Variants in MYO10 observed in about 807,000 individuals in gnomAD.
MYO10 encodes the protein myosin X.
Under a neutral mutation model 257.3 loss-of-function variants are expected in MYO10, and 133 were observed. That is an observed-to-expected ratio of 0.52 (90% CI 0.45 to 0.60). MYO10 has a LOEUF of 0.60. Ranked by LOEUF, MYO10 falls within the 20% of genes least tolerant of loss-of-function variation. The pLI, the probability that MYO10 is intolerant of heterozygous loss-of-function variation, is 0.00. For missense variants in MYO10, 2,399 were observed against 2,635.7 expected (o/e 0.91, Z 1.97); for synonymous variants, 1,104 against 1,028.6 (o/e 1.07, Z -1.40).
At chr5:16,870,048 A>T (rs1744407633) in intron 2 of MYO10, among the ~76,000 whole-genome samples, 1 of 151,414 alleles carries the variant, frequency 6.6e-6, no homozygotes, top group East Asian at 2.0e-4. Context: ...CTGAGGTTCC[A>T]TTTTAGGATT....
intron 1 of MYO10, among the ~76,000 whole-genome samples, chr5:16,918,673 G>A (rs1282407930): frequency 6.6e-6 from 1 of 151,706 alleles, no homozygotes; most frequent in Non-Finnish European, 1.5e-5. Flanking sequence ...GCTAATTTTT[G>A]TATTTTAAGT....
intron 2 of MYO10, among the ~76,000 whole-genome samples, chr5:16,848,403 G>A (rs939233022): frequency 1.3e-5 from 2 of 151,962 alleles, no homozygotes; most frequent in African/African-American, 2.4e-5. Flanking sequence ...GAGGTGATCC[G>A]CCTGCTTCGG....
At chr5:16,732,724 G>A (rs1467135194) in intron 19 of MYO10, among the ~76,000 whole-genome samples, 1 of 152,162 alleles carries the variant, frequency 6.6e-6, no homozygotes, top group African/African-American at 2.4e-5. Context: ...GATGAGGAGG[G>A]AAATAAGAGG....
chr5:16,700,296 G>A (rs901296701), intron 25 of MYO10, among the ~76,000 whole-genome samples: 25 of 152,176 alleles, frequency 1.6e-4, no homozygotes, highest in African/African-American at 5.8e-4. Context: ...ATTTCCTAAC[G>A]CAGCACGGCA....
chr5:16,761,643 A>C, intron 16 of MYO10, 97 bp from the exon 17 acceptor site: 3 of 907,638 alleles, frequency 3.3e-6, no homozygotes, highest in Non-Finnish European at 5.3e-6. Context: ...AAATCATTCC[A>C]AGAAATTTAT....
Position 16,764,390 on chromosome 5 carries a change from C to T in MYO10, c.1186G>A (p.Asp396Asn), listed in dbSNP as rs1740805517. The T allele has an allele frequency of 6.2e-7, 1 of 1,613,704 alleles. No individual in the cohort carries two copies. The highest frequency in any genetic ancestry group is 8.5e-7 in the Non-Finnish European group (1 of 1,179,842). Reference protein sequence around the residue: ...LTPLNVQQAVDSRDSLAMALY... With the variant: ...LTPLNVQQAVNSRDSLAMALY... ...GCCATGGCCAGGGAGTCCCTGCTGT[C>T]TACTGCCTGTGGGAGAGAAACCAGC... The change falls in exon 12 of 41, where the codon GAC becomes AAC. Residue 396 changes from aspartate to asparagine, a missense_variant. Transcript: ENST00000513610.
Position 16,699,390 on chromosome 5 carries a change from C to G in MYO10, c.3556+60G>C, listed in dbSNP as rs1009311394. The G allele has an allele frequency of 2.5e-6, 4 of 1,574,158 alleles. No homozygotes were observed. In the South Asian group the frequency reaches 4.7e-5, roughly 18 times the overall value. ...TATTTCCCACCGCCATCCATCAGCC[C>G]GGATAAAATAACGCCTCGCTCTCCC... is the stretch of plus-strand genomic sequence containing the variant. On this transcript the variant is annotated intron_variant, in intron 26 of 40. Coordinates refer to ENST00000513610, the MANE Select transcript of MYO10 (RefSeq NM_012334.3).
At chr5:16,750,181 T>C (rs1441811672) in intron 19 of MYO10, among the ~76,000 whole-genome samples, 2 of 152,292 alleles carry the variant, frequency 1.3e-5, no homozygotes, top group South Asian at 4.1e-4. Flanking sequence ...CACTGCAGAC[T>C]GGCGTCTCTC....
At chr5:16,702,511 A>T (rs1229831970) in intron 24 of MYO10, 32 bp downstream of exon 24, 3 of 1,574,092 alleles carry the variant, frequency 1.9e-6, no homozygotes. Flanking sequence ...AAGTAGAAAC[A>T]CAAGAGGCTA....
intron 1 of MYO10, among the ~76,000 whole-genome samples, chr5:16,899,337 A>C (rs1009247156): frequency 3.9e-5 from 6 of 151,990 alleles, no homozygotes; most frequent in African/African-American, 1.5e-4. Flanking sequence ...CTACTTCTGA[A>C]ATAATAAAAG....
intron 21 of MYO10, 185 bp downstream of exon 21, chr5:16,710,723 A>T: frequency 1.7e-6 from 1 of 586,844 alleles, no homozygotes; most frequent in Non-Finnish European, 3.0e-6. Context: ...CAAGTCAAGG[A>T]CTTCACTTCA....
chr5:16,757,301 AAC>A (rs71595978), intron 18 of MYO10, among the ~76,000 whole-genome samples: 3 of 84,348 alleles, frequency 3.6e-5, no homozygotes, highest in Non-Finnish European at 5.0e-5. Context: ...CACACACACA[AAC>A]ACACACACAC....
At chr5:16,856,051 G>A (rs1273027436) in intron 2 of MYO10, among the ~76,000 whole-genome samples, 1 of 152,198 alleles carries the variant, frequency 6.6e-6, no homozygotes, top group Non-Finnish European at 1.5e-5. Context: ...CAGGCCACGA[G>A]CTGAATTTAC....
chr5:16,895,289 G>C, intron 1 of MYO10, among the ~76,000 whole-genome samples: 1 of 152,320 alleles, frequency 6.6e-6, no homozygotes, highest in East Asian at 1.9e-4. Context: ...AGCAGTGGCA[G>C]GGGGGCTGCA....
chr5:16,833,813 A>C (rs138121003), intron 2 of MYO10, among the ~76,000 whole-genome samples: 206 of 152,258 alleles, frequency 1.4e-3, no homozygotes, highest in Non-Finnish European at 2.4e-3. Flanking sequence ...CTTAGTGCAA[A>C]CAGAGTGAGA....
At chr5:16,844,441 A>T (rs778092973) in intron 2 of MYO10, among the ~76,000 whole-genome samples, 7 of 152,138 alleles carry the variant, frequency 4.6e-5, no homozygotes, top group Non-Finnish European at 1.0e-4. Context: ...ACAAAGTGAA[A>T]GGGCAAATAG....
At chr5:16,740,949 G>A (rs1047852493) in intron 19 of MYO10, among the ~76,000 whole-genome samples, 23 of 150,730 alleles carry the variant, frequency 1.5e-4, no homozygotes, top group East Asian at 5.8e-4. Flanking sequence ...TCTTATCTAC[G>A]CGACGAAAGC....
chr5:16,705,451 GA>G (rs1318398042), intron 21 of MYO10, among the ~76,000 whole-genome samples: 1 of 152,180 alleles, frequency 6.6e-6, no homozygotes, highest in East Asian at 1.9e-4. Context: ...CCTAGTTTTT[GA>G]AAAGATATGA....
chr5:16,672,294 C>CAAAAAAAAA (rs10684695), intron 37 of MYO10, among the ~76,000 whole-genome samples: 29 of 122,258 alleles, frequency 2.4e-4, no homozygotes, highest in African/African-American at 7.6e-4. Context: ...GACTCCATCT[C>CAAAAAAAAA]AAAAAAAAAA....
Sources: allele counts gnomAD v4.1 joint callset (sites outside exome capture counted in the v4.1 genomes callset), GRCh38; gene constraint gnomAD v4.1.1; transcripts MANE v1.5; gene names NCBI Gene and HGNC (gene_info 2026-07-23, HGNC 2026-07-21).